The following BLK variants were observed in gnomAD, a reference collection of about 807,000 sequenced individuals.
The protein encoded by BLK is tyrosine-protein kinase Blk.
A neutral mutation model predicts 61.8 loss-of-function variants in BLK; 64 were observed. The observed-to-expected ratio is 1.03, with a 90% CI of 0.85 to 1.27. BLK has a LOEUF of 1.27. Ranked by LOEUF, BLK falls within the 50% of genes most tolerant of loss-of-function variation. BLK has a pLI of 0.00. For synonymous variants in BLK, 351 were observed against 272.0 expected (o/e 1.29, Z -2.86); for missense variants, 853 against 660.5 (o/e 1.29, Z -3.19).
intron 6 of BLK, among the ~76,000 whole-genome samples, chr8:11,550,677 GA>G (rs1800859329): frequency 6.6e-6 from 1 of 152,244 alleles, no homozygotes; most frequent in Non-Finnish European, 1.5e-5. Flanking sequence ...CATATGTTAG[GA>G]AGTGGCCTGT....
chr8:11,535,254 AAAGAAAG>A (rs1486563585), intron 1 of BLK, among the ~76,000 whole-genome samples: 2 of 143,760 alleles, frequency 1.4e-5, no homozygotes, highest in Non-Finnish European at 3.0e-5. Flanking sequence ...GAAAGGAAAG[AAAGAAAG>A]AAGAAAGAAA....
At chr8:11,504,390 AG>A (rs1563420756) in intron 1 of BLK, among the ~76,000 whole-genome samples, 8 of 82,244 alleles carry the variant, frequency 9.7e-5, no homozygotes, top group Admixed American at 2.1e-4. Context: ...AGAAAAGAAA[AG>A]AAAAGAAAAG....
chr8:11,501,071 T>C (rs1172541246), intron 1 of BLK, among the ~76,000 whole-genome samples: 1 of 151,988 alleles, frequency 6.6e-6, no homozygotes, highest in African/African-American at 2.4e-5. Context: ...TAGCTGGGCA[T>C]GGTGGCAGGC....
At position 11,535,217 on chromosome 8, in the gene BLK, GAGAGAA is replaced by G. The variant is rs1563102186; in HGVS notation, c.-1-8003_-1-7998del. Among the ~76,000 whole-genome samples the G allele has an allele frequency of 6.7e-4, 66 of 98,556 alleles. 2 individuals carry two copies. The highest frequency in any genetic ancestry group is 6.0e-4 in the Admixed American group (6 of 10,032). 64.7% of individuals were successfully genotyped at this position (98,556 alleles called of 152,430 possible). A position where few individuals can be genotyped will look rare whatever the true frequency, so the allele number is the denominator to read the frequency against. ...AAAGAAGGAAAGAAAGAAAGAAAGA[GAGAGAA>G]AGAAAGAAAAAGAAAAGAAGGAAAG... On this transcript the variant is annotated intron_variant, in intron 1 of 12. Transcript: ENST00000259089.
At chr8:11,560,700 C>T (rs1801467803) in intron 10 of BLK, 3 of 372,068 alleles carry the variant, frequency 8.1e-6, no homozygotes, top group South Asian at 4.0e-5. Context: ...TCTGCCAGTG[C>T]TCCCTGGGTG....
intron 1 of BLK, among the ~76,000 whole-genome samples, chr8:11,503,935 C>T (rs1380178715): frequency 7.9e-5 from 12 of 152,150 alleles, no homozygotes; most frequent in Non-Finnish European, 1.5e-5. Context: ...ATCAAAACTA[C>T]CCCCAGAGAG....
chr8:11,506,140 T>A (rs1224535213), intron 1 of BLK, among the ~76,000 whole-genome samples: 1 of 152,208 alleles, frequency 6.6e-6, no homozygotes, highest in African/African-American at 2.4e-5. Flanking sequence ...GTGCTTTTCC[T>A]GAGGTCACGC....
At chr8:11,526,838 T>C (rs1799673732) in intron 1 of BLK, among the ~76,000 whole-genome samples, 1 of 152,234 alleles carries the variant, frequency 6.6e-6, no homozygotes, top group Non-Finnish European at 1.5e-5. Flanking sequence ...ATAATATAAC[T>C]ATGTAAATTT....
Position 11,550,182 on chromosome 8 carries a change from G to A in BLK, c.392G>A (p.Arg131Gln), listed in dbSNP as rs144615291. The A allele has an allele frequency of 4.3e-5, 69 of 1,614,030 alleles. No individual in the cohort carries two copies. The highest frequency in any genetic ancestry group is 3.3e-4 in the Middle Eastern group (2 of 6,054). Residue 131 changes from arginine (R) to glutamine (Q), a missense_variant, in exon 6 of 13, where the codon CGG becomes CAG. Physicochemically the swap from Arg to Gln is conservative, Grantham distance 43. Coordinates refer to ENST00000259089, the MANE Select transcript of BLK (RefSeq NM_001715.3). ...MERWFFRSQG[R>Q]KEAERQLLAP... The stretch of plus-strand genomic sequence containing the variant: ...AGGTGGTTCTTTAGATCACAGGGTC[G>A]GAAGGAGGCTGAGAGGCAGCTTCTT...
intron 1 of BLK, among the ~76,000 whole-genome samples, chr8:11,497,982 G>A (rs1167347258): frequency 6.6e-6 from 1 of 152,206 alleles, no homozygotes; most frequent in Admixed American, 6.5e-5. Flanking sequence ...CGGAATGGGG[G>A]TCCAGAGCCC....
intron 1 of BLK, among the ~76,000 whole-genome samples, chr8:11,531,001 A>G (rs1799863293): frequency 6.6e-6 from 1 of 152,138 alleles, no homozygotes; most frequent in Non-Finnish European, 1.5e-5. Flanking sequence ...ATGCTTGCCA[A>G]CACTTGGTAT....
chr8:11,504,052 A>G (rs1299606520), intron 1 of BLK, among the ~76,000 whole-genome samples: 1 of 152,188 alleles, frequency 6.6e-6, no homozygotes, highest in African/African-American at 2.4e-5. Flanking sequence ...ATCCAGGCAC[A>G]GTGGCACACA....
At chr8:11,560,002 T>G in intron 10 of BLK, 1 of 365,764 alleles carries the variant, frequency 2.7e-6, no homozygotes, top group Non-Finnish European at 5.4e-6. Context: ...ATATTAGTTA[T>G]CAGAACGAGT....
chr8:11,558,842 C>G (rs1335420687), intron 10 of BLK: 4 of 455,384 alleles, frequency 8.8e-6, no homozygotes, highest in Non-Finnish European at 1.3e-5. Context: ...CATACAGCTG[C>G]CACCGAGAGG....
Position 11,564,101 on chromosome 8 carries a change from A to C in BLK, c.1511A>C (p.Gln504Pro). 6.4e-7 allele frequency: 1 copy of C among 1,568,466 alleles called. No homozygotes were observed. The highest frequency in any genetic ancestry group is 8.6e-7 in the Non-Finnish European group (1 of 1,162,744). Residue 504 changes from glutamine (Q) to proline (P), a missense_variant, in exon 13 of 13, where the codon CAG becomes CCG. Gln to Pro is a moderately conservative substitution (Grantham distance 76). Transcript: ENST00000259089. ...YTATERQYEL[Q>P]P ...GCCACCGAGCGGCAGTACGAGCTGCAGCCCTAGCCGGCCGCGCCCGCCTGC... is the reference window on the plus strand; with the variant it reads ...GCCACCGAGCGGCAGTACGAGCTGCCGCCCTAGCCGGCCGCGCCCGCCTGC...
At chr8:11,520,252 G>C (rs2117327489) in intron 1 of BLK, among the ~76,000 whole-genome samples, 1 of 152,176 alleles carries the variant, frequency 6.6e-6, no homozygotes, top group South Asian at 2.1e-4. Flanking sequence ...TAAGGTAGGA[G>C]GATCGCTTGA....
Position 11,558,050 on chromosome 8 carries a change from AC to A in BLK, c.1029+14del. 1 of 1,613,808 alleles carries A rather than the reference AC, an allele frequency of 6.2e-7. No homozygotes were observed. Reference sequence around the variant, plus strand: ...ACATGTCGGCGCAGGTTGGTGAAGTACCAGGTGCAGAGAAAGGGCGGCATGT... The same window carrying A: ...ACATGTCGGCGCAGGTTGGTGAAGTACAGGTGCAGAGAAAGGGCGGCATGT... On this transcript the variant is annotated intron_variant, in intron 10 of 12. Coordinates refer to ENST00000259089, the MANE Select transcript of BLK (RefSeq NM_001715.3).
At chr8:11,551,880 T>C (rs1800920181) in intron 6 of BLK, among the ~76,000 whole-genome samples, 1 of 152,102 alleles carries the variant, frequency 6.6e-6, no homozygotes, top group African/African-American at 2.4e-5. Context: ...AGTGACCACA[T>C]CATCTAAGAG....
rs1801561584 is a variant in BLK, at chr8:11,562,990, C to A, written c.1192C>A (p.Pro398Thr). The A allele has an allele frequency of 1.9e-6, 3 of 1,614,130 alleles. No homozygotes were observed. Among genetic ancestry groups the A allele is most frequent in the Non-Finnish European group, 2.5e-6 (3 of 1,180,034 alleles). Residue 398 changes from proline to threonine, a missense_variant, in exon 12 of 13, where the codon CCC becomes ACC. Coordinates refer to ENST00000259089, the MANE Select transcript of BLK (RefSeq NM_001715.3). ...GGCTTTTCCCACAGGGGCCAAGTTCCCCATCAAGTGGACAGCCCCGGAAGC... is the reference window on the plus strand; with the variant it reads ...GGCTTTTCCCACAGGGGCCAAGTTCACCATCAAGTGGACAGCCCCGGAAGC... ...EYTAQEGAKF[P>T]IKWTAPEAIH...
Sources: allele counts gnomAD v4.1 joint callset (sites outside exome capture counted in the v4.1 genomes callset), GRCh38; gene constraint gnomAD v4.1.1; transcripts MANE v1.5; gene names NCBI Gene and HGNC (gene_info 2026-07-23, HGNC 2026-07-21).